Variants in CLVS1 observed in about 807,000 individuals in gnomAD.
CLVS1 encodes the protein clavesin 1.
Under a neutral mutation model 33.1 loss-of-function variants are expected in CLVS1, and 10 were observed. That is an observed-to-expected ratio of 0.30 (90% confidence interval 0.19 to 0.51). CLVS1 has a LOEUF of 0.51. Ranked by LOEUF, CLVS1 falls within the 20% of genes least tolerant of loss-of-function variation. CLVS1 has a pLI of 0.97. For synonymous variants in CLVS1, 163 were observed against 166.1 expected, an observed-to-expected ratio of 0.98 and a Z score of 0.14; for missense variants, 343 against 433.4, an observed-to-expected ratio of 0.79 and a Z score of 1.85.
chr8:61,431,139 T>C (rs1816096589), intron 3 of CLVS1, among the ~76,000 whole-genome samples: 1 of 152,218 alleles, frequency 6.6e-6, no homozygotes, highest in South Asian at 2.1e-4. Context: ...CATTCTTTTC[T>C]CACTTACATA....
chr8:61,413,284 A>G (rs1025892519), intron 3 of CLVS1, among the ~76,000 whole-genome samples: 3 of 152,216 alleles, frequency 2.0e-5, no homozygotes, highest in Non-Finnish European at 4.4e-5. Flanking sequence ...AATATATTAT[A>G]TTCCATTAGT....
chr8:61,416,732 A>G lies in CLVS1; in HGVS notation c.631-37409A>G, dbSNP rs576512698. Among the ~76,000 whole-genome samples, 4 of 152,316 alleles carry G rather than the reference A, an allele frequency of 2.6e-5. No homozygotes were observed. In the East Asian group the frequency reaches 7.7e-4, roughly 29 times the overall value. On this transcript the variant is annotated intron_variant, in intron 3 of 5. Transcript: ENST00000325897. ...CCACCTAGTAATGCAAGAATGGAAA[A>G]GGGGTAACCTGAGCAACCATGGAAA...
intron 2 of CLVS1, among the ~76,000 whole-genome samples, chr8:61,211,067 C>A (rs570121651): frequency 2.0e-5 from 3 of 152,080 alleles, no homozygotes; most frequent in Non-Finnish European, 4.4e-5. Context: ...AAGTGGTCAA[C>A]CATGTACAAT....
At chr8:60,989,423 C>T in the CLVS1 span, among the ~76,000 whole-genome samples, 3 of 152,124 alleles carry the variant, frequency 2.0e-5, no homozygotes, top group East Asian at 5.8e-4. Flanking sequence ...GCGATCCACC[C>T]ACCTCGGCCT....
chr8:61,240,456 C>T (rs1017846288), intron 2 of CLVS1, among the ~76,000 whole-genome samples: 1 of 152,224 alleles, frequency 6.6e-6, no homozygotes, highest in African/African-American at 2.4e-5. Flanking sequence ...TGGTCACCCT[C>T]TGTACATCAC....
intron 1 of CLVS1, among the ~76,000 whole-genome samples, chr8:61,111,156 T>C (rs933498927): frequency 1.3e-5 from 2 of 152,202 alleles, no homozygotes; most frequent in African/African-American, 4.8e-5. Context: ...CTGAAAAAAG[T>C]AGGAATTCCT....
chr8:61,199,013 C>G (rs4737581), intron 2 of CLVS1, among the ~76,000 whole-genome samples: 101,965 of 152,026 alleles, frequency 0.67, 35,648 homozygotes, highest in Middle Eastern at 0.84. Context: ...ATTGTGAATT[C>G]TGCTGCAATA....
At chr8:61,459,962 T>A (rs1817316105) in intron 5 of CLVS1, among the ~76,000 whole-genome samples, 1 of 152,184 alleles carries the variant, frequency 6.6e-6, no homozygotes, top group Non-Finnish European at 1.5e-5. Flanking sequence ...TCTGTGTGTG[T>A]CTGCCTCTAT....
chr8:61,355,040 C>G lies in CLVS1; in HGVS notation c.456-21565C>G, dbSNP rs552793366. Among the ~76,000 whole-genome samples the G allele has an allele frequency of 2.0e-5, 3 of 152,286 alleles. No individual in the cohort carries two copies. The East Asian group carries it at 5.8e-4, about 29-fold the overall frequency. The stretch of plus-strand genomic sequence containing the variant: ...AAGTATTCTGTTCTTCCCTGTTTCT[C>G]CTAACTATGAAGTTGGTTCCACTCC... On this transcript the variant is annotated intron_variant, in intron 2 of 5. Coordinates refer to ENST00000325897, the MANE Select transcript of CLVS1 (RefSeq NM_173519.3).
At chr8:61,273,638 G>T (rs1027815429) in intron 2 of CLVS1, among the ~76,000 whole-genome samples, 4 of 152,202 alleles carry the variant, frequency 2.6e-5, no homozygotes, top group African/African-American at 9.6e-5. Context: ...CTAGCAATCA[G>T]CGAGACTCCG....
At position 61,419,396 on chromosome 8, in the gene CLVS1, C is replaced by CAAA. The variant is rs10635998; in HGVS notation, c.631-34727_631-34725dup. Among the ~76,000 whole-genome samples, 582 of 70,224 alleles carry CAAA rather than the reference C, an allele frequency of 8.3e-3. 18 individuals are homozygous for CAAA. Among genetic ancestry groups the CAAA allele is most frequent in the African/African-American group, 0.024 (543 of 22,250 alleles). 46.1% of individuals were successfully genotyped at this position (70,224 alleles called of 152,430 possible). ...TGGGTGACAGAGCAAGACTCCGTCTCAAAAAAAAAAAAAAAAAAAATATTT... is the reference window on the plus strand; with the variant it reads ...TGGGTGACAGAGCAAGACTCCGTCTCAAAAAAAAAAAAAAAAAAAAAAATATTT... On this transcript the variant is annotated intron_variant, in intron 3 of 5. Coordinates refer to ENST00000325897, the MANE Select transcript of CLVS1 (RefSeq NM_173519.3).
the CLVS1 span, among the ~76,000 whole-genome samples, chr8:61,037,060 C>G: frequency 6.6e-6 from 1 of 152,324 alleles, no homozygotes; most frequent in Non-Finnish European, 1.5e-5. Flanking sequence ...ATTTCTACAT[C>G]AGTGTTTATA....
chr8:61,276,161 C>T (rs2129592966), intron 2 of CLVS1, among the ~76,000 whole-genome samples: 2 of 152,238 alleles, frequency 1.3e-5, no homozygotes, highest in South Asian at 4.1e-4. Flanking sequence ...AGGGAAGGTG[C>T]CCACAAAATG....
chr8:61,033,045 GAA>G, the CLVS1 span, among the ~76,000 whole-genome samples: 3,432 of 89,656 alleles, frequency 0.038, 282 homozygotes, highest in Non-Finnish European at 0.05. Context: ...AAGAAAGAAA[GAA>G]AAAGAAAGAA....
At chr8:61,455,322 A>G (rs536215310) in intron 4 of CLVS1, among the ~76,000 whole-genome samples, 2 of 152,222 alleles carry the variant, frequency 1.3e-5, no homozygotes, top group African/African-American at 2.4e-5. Flanking sequence ...CTCATCCTAT[A>G]TAACTGAAAC....
intron 2 of CLVS1, among the ~76,000 whole-genome samples, chr8:61,245,734 T>C (rs1337049921): frequency 1.3e-5 from 2 of 151,894 alleles, no homozygotes; most frequent in African/African-American, 2.4e-5. Context: ...AGTTTATTAC[T>C]TTAAAAATTT....
the CLVS1 span, among the ~76,000 whole-genome samples, chr8:61,025,037 TG>T: frequency 3.3e-5 from 5 of 152,182 alleles, no homozygotes; most frequent in East Asian, 9.7e-4. Context: ...TTAGTGGAGA[TG>T]GGGTTTCACC....
intron 2 of CLVS1, among the ~76,000 whole-genome samples, chr8:61,214,711 C>G (rs1808048403): frequency 6.6e-6 from 1 of 152,224 alleles, no homozygotes; most frequent in Non-Finnish European, 1.5e-5. Flanking sequence ...ACTCAGGCAT[C>G]CGTCCAACTT....
intron 3 of CLVS1, among the ~76,000 whole-genome samples, chr8:61,386,546 T>C (rs2129602318): frequency 6.6e-6 from 1 of 152,330 alleles, no homozygotes; most frequent in East Asian, 1.9e-4. Context: ...TCAGTGTGGA[T>C]GGTACCCAGG....
Sources: allele counts gnomAD v4.1 joint callset (sites outside exome capture counted in the v4.1 genomes callset), GRCh38; gene constraint gnomAD v4.1.1; transcripts MANE v1.5; gene names NCBI Gene and HGNC (gene_info 2026-07-23, HGNC 2026-07-21).